ASXL3: variants seen among roughly 807,000 people sequenced by gnomAD.
ASXL3 encodes putative Polycomb group protein ASXL3.
In ASXL3, 34 loss-of-function variants were observed where a neutral mutation model predicts 170.6. The ratio of observed to expected loss-of-function variants is 0.20; its 90% CI spans 0.15 to 0.27. The LOEUF is 0.27. ASXL3 is among the 10% of genes least tolerant of loss of function. ASXL3 has a pLI of 1.00. For synonymous variants in ASXL3, 1,002 were observed against 989.1 expected, an observed-to-expected ratio of 1.01 and a Z score of -0.24; for missense variants, 2,592 against 2,695.3, an observed-to-expected ratio of 0.96 and a Z score of 0.85.
intron 8 of ASXL3, among the ~76,000 whole-genome samples, chr18:33,713,265 T>TTTTTTTTTTG (rs2067106620): frequency 8.2e-6 from 1 of 121,216 alleles, no homozygotes. Flanking sequence ...TTTTTTTTTT[T>TTTTTTTTTTG]TTTTTTTTTG....
chr18:33,740,006 G>A lies in ASXL3; in HGVS notation c.2602G>A (p.Val868Ile), dbSNP rs767340081. 52 of 1,613,574 alleles carry A rather than the reference G, an allele frequency of 3.2e-5. No individual in the cohort carries two copies. Among genetic ancestry groups the A allele is most frequent in the Middle Eastern group, 1.6e-4 (1 of 6,084 alleles). The change falls in exon 11 of 12, where the codon GTC becomes ATC. Residue 868 changes from valine to isoleucine, a missense_variant. Transcript: ENST00000269197. ...TEMIKVKNHS[V>I]LQRTEKKVLP... ...AATGATAAAAGTTAAAAATCATAGCGTCCTGCAAAGAACAGAAAAAAAAGT... is the reference window on the plus strand; with the variant it reads ...AATGATAAAAGTTAAAAATCATAGCATCCTGCAAAGAACAGAAAAAAAAGT...
chr18:33,618,595 T>C (rs913898164), intron 2 of ASXL3, among the ~76,000 whole-genome samples: 1 of 152,158 alleles, frequency 6.6e-6, no homozygotes, highest in African/African-American at 2.4e-5. Context: ...AGGCATATGT[T>C]CATTCCATTA....
chr18:33,746,346 G>A lies in ASXL3; in HGVS notation c.6498G>A (p.Arg2166=). 2 of 1,613,924 alleles carry A rather than the reference G, an allele frequency of 1.2e-6. No homozygotes were observed. Among genetic ancestry groups the A allele is most frequent in the South Asian group, 1.1e-5 (1 of 91,078 alleles). ...TIHFGSTSFK[R]AASAIEKSIG... ...ACTTTGGTAGCACGAGTTTCAAAAG[G>A]GCAGCATCTGCAATTGAAAAGTCCA... The change falls in exon 12 of 12, where the codon AGG becomes AGA. Residue 2166 remains arginine (R), a synonymous_variant. Transcript: ENST00000269197.
chr18:33,617,666 C>T (rs1045055959), intron 2 of ASXL3, among the ~76,000 whole-genome samples: 35 of 152,218 alleles, frequency 2.3e-4, no homozygotes, highest in South Asian at 6.2e-4. Flanking sequence ...CTTAATATAT[C>T]TTTTTATGCT....
intron 8 of ASXL3, among the ~76,000 whole-genome samples, chr18:33,689,685 T>C (rs2066657013): frequency 6.6e-6 from 1 of 152,256 alleles, no homozygotes; most frequent in African/African-American, 2.4e-5. Flanking sequence ...ACAACTTTGA[T>C]TTGACTCAGT....
rs1016188141 is a variant in ASXL3 at position 33,596,027 on chromosome 18, C to CT, written c.55-11557dup. On this transcript the variant is annotated intron_variant, in intron 1 of 11. Coordinates refer to ENST00000269197, the MANE Select transcript of ASXL3 (RefSeq NM_030632.3). The stretch of plus-strand genomic sequence containing the variant: ...TTCTTTCTTGTCAATTCATTGTCTT[C>CT]TTTTTTTTTTCATTAGGCAAGTATT... Among the ~76,000 whole-genome samples the CT allele has an allele frequency of 3.0e-3, 443 of 148,736 alleles. 1 individual carries two copies. The highest frequency in any genetic ancestry group is 8.6e-3 in the African/African-American group (351 of 40,654).
At chr18:33,690,796 C>G (rs2066675771) in intron 8 of ASXL3, among the ~76,000 whole-genome samples, 1 of 152,172 alleles carries the variant, frequency 6.6e-6, no homozygotes, top group Non-Finnish European at 1.5e-5. Context: ...GGATGGTCTC[C>G]TCATCACACA....
chr18:33,578,725 G>T (rs2064967383), intron 1 of ASXL3, 40 bp downstream of exon 1: 1 of 1,153,978 alleles, frequency 8.7e-7, no homozygotes, highest in South Asian at 3.4e-5. Flanking sequence ...GCCTCCCGCC[G>T]GCCCCGCCGC....
chr18:33,708,343 T>C (rs1445190109), intron 8 of ASXL3, among the ~76,000 whole-genome samples: 1 of 152,166 alleles, frequency 6.6e-6, no homozygotes, highest in Admixed American at 6.6e-5. Context: ...AATAAAAAAA[T>C]TAACAGCTCT....
chr18:33,582,994 T>C (rs1006454216), intron 1 of ASXL3, among the ~76,000 whole-genome samples: 3 of 152,310 alleles, frequency 2.0e-5, no homozygotes, highest in Middle Eastern at 3.4e-3. Context: ...AGGATTTATT[T>C]ATGCAATACA....
chr18:33,680,067 A>G (rs1196979548), intron 7 of ASXL3, among the ~76,000 whole-genome samples: 1 of 151,842 alleles, frequency 6.6e-6, no homozygotes, highest in Admixed American at 6.6e-5. Context: ...TTTTACACGT[A>G]AGCCTTTAAT....
At chr18:33,706,138 G>T (rs969072725) in intron 8 of ASXL3, among the ~76,000 whole-genome samples, 1 of 148,306 alleles carries the variant, frequency 6.7e-6, no homozygotes, top group South Asian at 2.1e-4. Flanking sequence ...AGTACTTTTA[G>T]TAGCTGTACT....
intron 8 of ASXL3, among the ~76,000 whole-genome samples, chr18:33,698,024 A>G (rs2066800541): frequency 6.6e-6 from 1 of 152,046 alleles, no homozygotes; most frequent in Non-Finnish European, 1.5e-5. Flanking sequence ...ATAGGTAAAG[A>G]TGGAAGAATA....
At chr18:33,636,622 G>T (rs1444857823) in intron 2 of ASXL3, among the ~76,000 whole-genome samples, 1 of 152,088 alleles carries the variant, frequency 6.6e-6, no homozygotes, top group Non-Finnish European at 1.5e-5. Context: ...CATCAGTCAT[G>T]GGTACTGGAG....
intron 2 of ASXL3, among the ~76,000 whole-genome samples, chr18:33,631,606 C>T (rs868195017): frequency 1.4e-4 from 21 of 152,200 alleles, no homozygotes; most frequent in Admixed American, 4.6e-4. Context: ...ATATTCATAG[C>T]AGTGCTATTT....
At chr18:33,728,214 T>C (rs1279881672) in intron 8 of ASXL3, among the ~76,000 whole-genome samples, 3 of 152,176 alleles carry the variant, frequency 2.0e-5, no homozygotes, top group Non-Finnish European at 2.9e-5. Flanking sequence ...ATCTGCAAGA[T>C]GCTAAGTGTT....
At chr18:33,719,463 T>TA (rs1289577666) in intron 8 of ASXL3, among the ~76,000 whole-genome samples, 1 of 152,038 alleles carries the variant, frequency 6.6e-6, no homozygotes, top group African/African-American at 2.4e-5. Flanking sequence ...GCATCTAGCA[T>TA]ATAAACTTTT....
At chr18:33,741,986 G>A (rs1056535471) in intron 11 of ASXL3, among the ~76,000 whole-genome samples, 1 of 152,158 alleles carries the variant, frequency 6.6e-6, no homozygotes, top group African/African-American at 2.4e-5. Context: ...ATGACTCTGC[G>A]AGTCTCTTAA....
At chr18:33,703,912 G>A (rs1347595095) in intron 8 of ASXL3, among the ~76,000 whole-genome samples, 10 of 152,152 alleles carry the variant, frequency 6.6e-5, no homozygotes, top group East Asian at 3.9e-4. Flanking sequence ...TGGATTCTCC[G>A]GGGAACAGTT....
Sources: gnomAD v4.1 joint callset for allele counts (sites outside exome capture counted in the v4.1 genomes callset) on GRCh38, gnomAD v4.1.1 for gene constraint, MANE v1.5 for transcripts, NCBI Gene and HGNC (gene_info 2026-07-23, HGNC 2026-07-21) for gene names.